The following TRIM49 variants were observed in gnomAD, a reference collection of about 807,000 sequenced individuals.
The protein encoded by TRIM49 is tripartite motif containing 49.
Under a neutral mutation model 27.4 loss-of-function variants are expected in TRIM49, and 5 were observed. The observed-to-expected ratio is 0.18, with a 90% CI of 0.10 to 0.38. The LOEUF (loss-of-function observed/expected upper bound fraction) is 0.38, where lower values mean the gene tolerates loss of function less well. Among genes scored for constraint, TRIM49 ranks in the 10% least tolerant of loss-of-function variants. The pLI is 1.00. For missense variants in TRIM49, 188 were observed against 487.5 expected (o/e 0.39, Z 5.79); for synonymous variants, 69 against 166.0 (o/e 0.42, Z 4.49).
chr11:89,800,119 A>G (rs921925775), intron 6 of TRIM49, among the ~76,000 whole-genome samples: 1 of 150,296 alleles, frequency 6.7e-6, no homozygotes, highest in African/African-American at 2.5e-5. Context: ...TTCTTGGCAG[A>G]CTCCCCTGAC....
chr11:89,790,471 C>G, the TRIM49 span, among the ~76,000 whole-genome samples: 1 of 151,994 alleles, frequency 6.6e-6, no homozygotes, highest in East Asian at 1.9e-4. Flanking sequence ...AAGTTGGTCC[C>G]TGAGTAGCCT....
At chr11:89,768,623 T>G in the TRIM49 span, among the ~76,000 whole-genome samples, 1 of 135,028 alleles carries the variant, frequency 7.4e-6, no homozygotes, top group Non-Finnish European at 1.5e-5. Flanking sequence ...GTAAGAAAAG[T>G]TTAATGTCTG....
intron 6 of TRIM49, among the ~76,000 whole-genome samples, chr11:89,800,425 T>G (rs1949725413): frequency 2.0e-5 from 3 of 151,744 alleles, no homozygotes; most frequent in African/African-American, 7.3e-5. Context: ...CTTATCTTTC[T>G]CCTGTGCAGG....
chr11:89,790,988 C>A, the TRIM49 span, among the ~76,000 whole-genome samples: 2 of 150,794 alleles, frequency 1.3e-5, no homozygotes, highest in Non-Finnish European at 2.9e-5. Flanking sequence ...TGCAAAGAAG[C>A]TAAAAACCTT....
At chr11:89,769,745 C>G in the TRIM49 span, among the ~76,000 whole-genome samples, 1,478 of 113,726 alleles carry the variant, frequency 0.013, 89 homozygotes, top group African/African-American at 0.026. Flanking sequence ...TCTGACTCCT[C>G]TTGGATCCAG....
intron 3 of TRIM49, 105 bp downstream of exon 3, chr11:89,803,954 T>G: frequency 6.2e-7 from 1 of 1,606,358 alleles, no homozygotes; most frequent in Non-Finnish European, 8.5e-7. Flanking sequence ...CAAACAGAGC[T>G]GCTTAAAGGG....
At chr11:89,806,313 A>G (rs1949789274) in intron 2 of TRIM49, among the ~76,000 whole-genome samples, 1 of 150,772 alleles carries the variant, frequency 6.6e-6, no homozygotes, top group African/African-American at 2.5e-5. Context: ...ATCTGCACAC[A>G]TATATGTATA....
downstream of TRIM49, among the ~76,000 whole-genome samples, chr11:89,794,579 T>C (rs1324494778): frequency 1.3e-5 from 2 of 150,112 alleles, no homozygotes; most frequent in Non-Finnish European, 3.0e-5. Flanking sequence ...TCAGAAATAA[T>C]GCCACATATC....
downstream of TRIM49, among the ~76,000 whole-genome samples, chr11:89,793,671 C>T (rs1481484333): frequency 1.3e-5 from 2 of 151,968 alleles, no homozygotes; most frequent in Non-Finnish European, 2.9e-5. Flanking sequence ...AGGCCTTTGA[C>T]AAAATTCAAC....
downstream of TRIM49, among the ~76,000 whole-genome samples, chr11:89,792,860 C>G (rs1172206510): frequency 6.6e-6 from 1 of 152,080 alleles, no homozygotes; most frequent in Non-Finnish European, 1.5e-5. Flanking sequence ...CAAACACATT[C>G]AAAAGCTAGC....
At chr11:89,773,911 T>A in the TRIM49 span, among the ~76,000 whole-genome samples, 1 of 135,960 alleles carries the variant, frequency 7.4e-6, no homozygotes. Flanking sequence ...CACTCCAGCC[T>A]GGGCGACAGA....
chr11:89,784,977 G>T, the TRIM49 span, among the ~76,000 whole-genome samples: 2 of 149,740 alleles, frequency 1.3e-5, no homozygotes, highest in South Asian at 4.2e-4. Flanking sequence ...ATATCACCAA[G>T]AATTACTTAC....
chr11:89,770,022 A>G, the TRIM49 span, among the ~76,000 whole-genome samples: 29 of 134,684 alleles, frequency 2.2e-4, 2 homozygotes, highest in Non-Finnish European at 3.6e-4. Context: ...GACAAGGAGA[A>G]TGAGGGATGA....
At chr11:89,767,989 A>T in the TRIM49 span, among the ~76,000 whole-genome samples, 1 of 137,744 alleles carries the variant, frequency 7.3e-6, no homozygotes, top group Non-Finnish European at 1.5e-5. Context: ...TTACTTTTCC[A>T]AGAAATTTGT....
the TRIM49 span, chr11:89,768,190 T>A: frequency 7.4e-7 from 1 of 1,355,610 alleles, no homozygotes; most frequent in African/African-American, 2.0e-5. Context: ...CACACTCACC[T>A]CGGAAGTGGT....
chr11:89,793,349 T>C (rs1210759687), downstream of TRIM49, among the ~76,000 whole-genome samples: 2 of 152,028 alleles, frequency 1.3e-5, no homozygotes, highest in African/African-American at 2.4e-5. Context: ...TTCCAATCAA[T>C]AGAAAAAGAG....
intron 6 of TRIM49, among the ~76,000 whole-genome samples, chr11:89,800,328 A>G (rs1409512942): frequency 6.6e-6 from 1 of 151,716 alleles, no homozygotes; most frequent in East Asian, 1.9e-4. Flanking sequence ...TAAAAAACAA[A>G]ACATCAACAC....
chr11:89,769,518 C>T, the TRIM49 span, among the ~76,000 whole-genome samples: 4 of 135,406 alleles, frequency 3.0e-5, no homozygotes, highest in Non-Finnish European at 6.1e-5. Context: ...AGAAGCAATT[C>T]AGACCTCGTG....
At chr11:89,795,475 T>C (rs1193515804), downstream of TRIM49, among the ~76,000 whole-genome samples, 1 of 34,518 alleles carries the variant, frequency 2.9e-5, no homozygotes. Context: ...TAGCAAAGAC[T>C]TGGAACCAAC....
Sources: gnomAD v4.1 joint callset for allele counts (sites outside exome capture counted in the v4.1 genomes callset) on GRCh38, gnomAD v4.1.1 for gene constraint, MANE v1.5 for transcripts, NCBI Gene and HGNC (gene_info 2026-07-23, HGNC 2026-07-21) for gene names.